Variants in CYB5R4 observed in about 807,000 individuals in gnomAD.
The protein encoded by CYB5R4 is cytochrome b5 reductase 4.
CYB5R4 carries 55 observed loss-of-function variants against 70.2 expected under a neutral mutation model. The observed-to-expected ratio is 0.78, with a 90% CI of 0.63 to 0.98. The LOEUF (loss-of-function observed/expected upper bound fraction) is 0.98. Ranked by LOEUF, CYB5R4 falls within the 50% of genes least tolerant of loss-of-function variation. The probability of loss-of-function intolerance (pLI) is 0.00; values close to 1 mark genes in which losing one functional copy is unlikely to be tolerated. For synonymous variants in CYB5R4, 197 were observed against 199.5 expected (o/e 0.99, Z 0.11); for missense variants, 562 against 612.6 (o/e 0.92, Z 0.87).
intron 15 of CYB5R4, among the ~76,000 whole-genome samples, chr6:83,955,816 T>C (rs1437015470): frequency 6.6e-6 from 1 of 152,102 alleles, no homozygotes; most frequent in Non-Finnish European, 1.5e-5. Flanking sequence ...ATAAGGAATG[T>C]TCATCTCATT....
intron 15 of CYB5R4, 40 bp from the exon 16 acceptor site, chr6:83,959,784 A>AT: frequency 1.3e-6 from 2 of 1,554,126 alleles, no homozygotes; most frequent in Non-Finnish European, 1.8e-6. Context: ...ATTTTAAAGC[A>AT]TTTTCCCTAA....
chr6:83,909,972 A>G, intron 4 of CYB5R4: 2 of 1,500,170 alleles, frequency 1.3e-6, no homozygotes, highest in South Asian at 2.4e-5. Context: ...ACCATCTTAT[A>G]TGCATTAGTT....
chr6:83,899,435 T>C (rs2099462488), intron 3 of CYB5R4, among the ~76,000 whole-genome samples: 1 of 152,174 alleles, frequency 6.6e-6, no homozygotes, highest in African/African-American at 2.4e-5. Context: ...TCTTTTTCTG[T>C]TGTGTCTCTG....
In CYB5R4 at chr6:83,937,199, C is replaced by T. The variant is rs562652019; in HGVS notation, c.1108+823C>T. 3.9e-5 allele frequency among the ~76,000 whole-genome samples: 6 copies of T among 152,060 alleles called. No individual in the cohort carries two copies. The South Asian group carries it at 1.0e-3, about 26-fold the overall frequency. ...CTGAGGCAGGAGAATCGCTTAAACCCGGGAGGCGGAGGTTTCAGTGAGCCG... is the reference window on the plus strand; with the variant it reads ...CTGAGGCAGGAGAATCGCTTAAACCTGGGAGGCGGAGGTTTCAGTGAGCCG... On this transcript the variant is annotated intron_variant, in intron 12 of 15. Transcript: ENST00000369681.
chr6:83,881,098 G>A (rs2099459368), intron 2 of CYB5R4, among the ~76,000 whole-genome samples: 1 of 152,176 alleles, frequency 6.6e-6, no homozygotes, highest in Non-Finnish European at 1.5e-5. Context: ...ATAGGGTTGG[G>A]TAAGAGGGTT....
Position 83,966,336 on chromosome 6 carries a change from A to G in CYB5R4, c.*6458A>G, listed in dbSNP as rs866760043. 9 of 152,326 alleles carry G rather than the reference A, an allele frequency of 5.9e-5. 1 individual carries two copies. The highest frequency in any genetic ancestry group is 2.2e-4 in the African/African-American group (9 of 41,576). The allele number at this position is 152,326 out of a possible 1,614,324, so 9.4% of individuals were successfully genotyped here. Reference sequence around the variant, plus strand: ...GTACTAAGACTAAACTAGAAAGAACATAAGAGGAAATACATATTATATAAG... The same window carrying G: ...GTACTAAGACTAAACTAGAAAGAACGTAAGAGGAAATACATATTATATAAG... On this transcript the variant is annotated 3_prime_UTR_variant, in exon 16 of 16. Coordinates refer to ENST00000369681, the MANE Select transcript of CYB5R4 (RefSeq NM_016230.4).
intron 5 of CYB5R4, among the ~76,000 whole-genome samples, chr6:83,915,041 G>T (rs1469158684): frequency 6.6e-6 from 1 of 152,054 alleles, no homozygotes; most frequent in African/African-American, 2.4e-5. Context: ...GACAAAATAA[G>T]TCAGTTTTCT....
chr6:83,945,526 G>A (rs1354186877), intron 14 of CYB5R4, among the ~76,000 whole-genome samples: 1 of 151,994 alleles, frequency 6.6e-6, no homozygotes, highest in Non-Finnish European at 1.5e-5. Flanking sequence ...AGAAGCAACA[G>A]CAAACAAATT....
intron 10 of CYB5R4, among the ~76,000 whole-genome samples, chr6:83,931,753 G>A (rs2099468166): frequency 6.6e-6 from 1 of 151,278 alleles, no homozygotes; most frequent in Non-Finnish European, 1.5e-5. Flanking sequence ...GCAGGCTGAA[G>A]TAGTCAGTGC....
chr6:83,902,478 G>A (rs938039573), intron 3 of CYB5R4, among the ~76,000 whole-genome samples: 3 of 151,996 alleles, frequency 2.0e-5, no homozygotes, highest in African/African-American at 7.2e-5. Flanking sequence ...TGTTCTTTTT[G>A]CTCAGGATTG....
At chr6:83,872,796 A>G (rs1335480577) in intron 2 of CYB5R4, among the ~76,000 whole-genome samples, 1 of 152,222 alleles carries the variant, frequency 6.6e-6, no homozygotes, top group African/African-American at 2.4e-5. Flanking sequence ...GGAAAACGGT[A>G]TACTTACTCA....
In CYB5R4 at chr6:83,864,269, T is replaced by C. The variant is rs760876954; in HGVS notation, c.170T>C (p.Val57Ala). 6.2e-7 allele frequency: 1 copy of C among 1,613,528 alleles called. No homozygotes were observed. Among genetic ancestry groups the C allele is most frequent in the Non-Finnish European group, 8.5e-7 (1 of 1,179,624 alleles). ...LTGLKGRLIE[V>A]TEEELKKHNK... Reference sequence around the variant, plus strand: ...GGATTAAAAGGCAGGTTAATTGAAGTAACTGAAGAAGAACTTAAGAAACAC... The same window carrying C: ...GGATTAAAAGGCAGGTTAATTGAAGCAACTGAAGAAGAACTTAAGAAACAC... Residue 57 changes from valine to alanine, a missense_variant, in exon 2 of 16, where the codon GTA becomes GCA. By Grantham distance (64) the Val-to-Ala change is moderately conservative. Coordinates refer to ENST00000369681, the MANE Select transcript of CYB5R4 (RefSeq NM_016230.4).
At chr6:83,900,529 T>C (rs746286732) in intron 3 of CYB5R4, among the ~76,000 whole-genome samples, 5 of 152,182 alleles carry the variant, frequency 3.3e-5, no homozygotes, top group Non-Finnish European at 7.4e-5. Flanking sequence ...CTTTGTTAAC[T>C]TTCTGTCTCA....
chr6:83,940,075 C>G lies in CYB5R4; in HGVS notation c.1128C>G (p.Ser376Arg). Residue 376 changes from serine (S) to arginine (R), a missense_variant, in exon 13 of 16, where the codon AGC (serine) becomes AGG (arginine). Coordinates refer to ENST00000369681, the MANE Select transcript of CYB5R4 (RefSeq NM_016230.4). Reference protein sequence around the residue: ...RLQIGDFVSVSSPEGNFKISK... With the variant: ...RLQIGDFVSVRSPEGNFKISK... ...GTTTAGGAGATTTTGTTTCTGTAAG[C>G]AGTCCTGAGGGCAATTTTAAAATAT... is the stretch of plus-strand genomic sequence containing the variant. 1 of 1,595,866 alleles carries G rather than the reference C, an allele frequency of 6.3e-7. No individual in the cohort carries two copies.
intron 10 of CYB5R4, among the ~76,000 whole-genome samples, chr6:83,934,288 T>C (rs565355426): frequency 9.3e-5 from 14 of 150,436 alleles, no homozygotes; most frequent in Non-Finnish European, 1.9e-4. Flanking sequence ...CATTATCAAA[T>C]AAAATTAGGT....
intron 14 of CYB5R4, among the ~76,000 whole-genome samples, chr6:83,942,246 T>A (rs2099469879): frequency 6.6e-6 from 1 of 151,704 alleles, no homozygotes; most frequent in African/African-American, 2.4e-5. Context: ...GGAAGGCCGG[T>A]GATTTCTGCA....
In CYB5R4 at chr6:83,864,044, A is replaced by G. The variant is rs76832717; in HGVS notation, c.76-131A>G. ...CTACCTTTTATAATTCAAATACAGC[A>G]TAAACAATGTTGACAGCCTCTTAAA... On this transcript the variant is annotated intron_variant, in intron 1 of 15. Transcript: ENST00000369681. The G allele has an allele frequency of 3.8e-4, 305 of 810,978 alleles. 2 individuals carry two copies. The East Asian group carries it at 8.6e-3, about 23-fold the overall frequency. The allele number at this position is 810,978 out of a possible 1,614,324, so 50.2% of individuals were successfully genotyped here.
At chr6:83,863,552 C>G (rs961506775) in intron 1 of CYB5R4, among the ~76,000 whole-genome samples, 1 of 152,036 alleles carries the variant, frequency 6.6e-6, no homozygotes, top group Non-Finnish European at 1.5e-5. Flanking sequence ...AAATTTTGGT[C>G]CAAACTGGTT....
intron 10 of CYB5R4, among the ~76,000 whole-genome samples, chr6:83,927,227 A>G (rs1588579057): frequency 6.6e-6 from 1 of 152,206 alleles, no homozygotes; most frequent in South Asian, 2.1e-4. Context: ...ATTGCATGAG[A>G]TAGGAAAAAA....
Sources: allele counts gnomAD v4.1 joint callset (sites outside exome capture counted in the v4.1 genomes callset), GRCh38; gene constraint gnomAD v4.1.1; transcripts MANE v1.5; gene names NCBI Gene and HGNC (gene_info 2026-07-23, HGNC 2026-07-21).